TNRC6C: variants seen among roughly 807,000 people sequenced by gnomAD.
TNRC6C encodes the protein trinucleotide repeat containing adaptor 6C.
In TNRC6C, 20 loss-of-function variants were observed where a neutral mutation model predicts 153.7. The ratio of observed to expected loss-of-function variants is 0.13; its 90% CI spans 0.09 to 0.19. TNRC6C has a LOEUF of 0.19. Ranked by LOEUF, TNRC6C falls within the 10% of genes least tolerant of loss-of-function variation. The pLI, the probability that TNRC6C is intolerant of heterozygous loss-of-function variation, is 1.00. For synonymous variants in TNRC6C, 811 were observed against 841.4 expected, an observed-to-expected ratio of 0.96 and a Z score of 0.63; for missense variants, 1,987 against 2,172.0, an observed-to-expected ratio of 0.91 and a Z score of 1.69.
rs570253353 is a variant in TNRC6C at position 78,053,169 on chromosome 17, G to C, written c.2395+1712G>C. Among the ~76,000 whole-genome samples, 4 of 152,292 alleles carry C rather than the reference G, an allele frequency of 2.6e-5. No homozygotes were observed. The South Asian group carries it at 8.3e-4, about 32-fold the overall frequency. ...TGAGCATCATCAAGCTTGCGCTGCT[G>C]TTCTTACGCTGGGCCTGTTTACGTT... On this transcript the variant is annotated intron_variant, in intron 3 of 19. Coordinates refer to ENST00000301624, the Ensembl canonical transcript of TNRC6C.
intron 1 of TNRC6C, among the ~76,000 whole-genome samples, chr17:78,026,940 G>A (rs1001502727): frequency 6.6e-6 from 1 of 152,162 alleles, no homozygotes; most frequent in East Asian, 1.9e-4. Flanking sequence ...TGATTGATTA[G>A]ATGTAGGAGA....
intron 2 of TNRC6C, among the ~76,000 whole-genome samples, chr17:78,034,157 G>A (rs887269280): frequency 3.3e-5 from 5 of 152,156 alleles, no homozygotes; most frequent in Non-Finnish European, 7.3e-5. Flanking sequence ...AGGTTCAAGT[G>A]ATTCTCCTGC....
chr17:77,971,508 G>A (rs2070939632), intron 1 of TNRC6C, among the ~76,000 whole-genome samples: 1 of 152,098 alleles, frequency 6.6e-6, no homozygotes, highest in African/African-American at 2.4e-5. Context: ...TCCACATCTT[G>A]ATGGCTTTTT....
intron 4 of TNRC6C, chr17:78,066,744 T>A (rs1567948403): frequency 6.6e-6 from 1 of 152,240 alleles, no homozygotes; most frequent in Non-Finnish European, 1.5e-5. Context: ...TGTAGCTCCA[T>A]CTGCCTAAGG....
intron 2 of TNRC6C, among the ~76,000 whole-genome samples, chr17:78,044,898 C>T (rs1271728364): frequency 6.6e-6 from 1 of 152,152 alleles, no homozygotes; most frequent in Non-Finnish European, 1.5e-5. Flanking sequence ...ACAAAAACGT[C>T]CCAAATTAAA....
At chr17:78,105,113 A>AT (rs57885030) in exon 20 of TNRC6C, 32,411 of 294,360 alleles carry the variant, frequency 0.11, 627 homozygotes, top group East Asian at 0.18. Flanking sequence ...TGTCATTTTG[A>AT]TTTTTTTTTT....
chr17:78,014,656 TGGTACCTTTTAGAGA>T (rs2071695267), intron 1 of TNRC6C, among the ~76,000 whole-genome samples: 1 of 150,264 alleles, frequency 6.7e-6, no homozygotes, highest in African/African-American at 2.5e-5. Flanking sequence ...GAGTGGCATT[TGGTACCTTTTAGAGA>T]GGTAACTGTA....
At chr17:77,974,236 T>C (rs1330771722) in intron 1 of TNRC6C, among the ~76,000 whole-genome samples, 1 of 152,082 alleles carries the variant, frequency 6.6e-6, no homozygotes, top group Non-Finnish European at 1.5e-5. Context: ...AATTTTAAAA[T>C]GGGCGAAGGA....
chr17:78,053,498 G>A (rs541734153), intron 3 of TNRC6C, among the ~76,000 whole-genome samples: 1 of 151,988 alleles, frequency 6.6e-6, no homozygotes, highest in Non-Finnish European at 1.5e-5. Context: ...GCATGGTGGC[G>A]CATGTCTCTA....
chr17:78,094,355 A>G (rs1266711274), intron 16 of TNRC6C, among the ~76,000 whole-genome samples: 2 of 151,898 alleles, frequency 1.3e-5, no homozygotes, highest in Non-Finnish European at 2.9e-5. Context: ...TAATAAGGCC[A>G]CCTAGATAGT....
Position 77,990,247 on chromosome 17 carries a change from C to T in TNRC6C, c.-37-13923C>T, listed in dbSNP as rs376904323. Among the ~76,000 whole-genome samples the T allele has an allele frequency of 1.8e-4, 27 of 152,340 alleles. No individual in the cohort carries two copies. In the South Asian group the frequency reaches 5.0e-3, roughly 28 times the overall value. On this transcript the variant is annotated intron_variant, in intron 1 of 22. Coordinates refer to the TNRC6C transcript ENST00000636222. ...CTCTTATATTGACTGCAGTAGCCTA[C>T]GCATTGGTTTCCACCAGTCCACTCT...
chr17:77,962,737 G>T (rs562881842), intron 1 of TNRC6C, among the ~76,000 whole-genome samples: 4 of 152,170 alleles, frequency 2.6e-5, no homozygotes, highest in African/African-American at 9.7e-5. Context: ...TAAGACATGG[G>T]TTTTTACCTT....
At chr17:78,070,322 C>T (rs1228276766) in intron 5 of TNRC6C, among the ~76,000 whole-genome samples, 5 of 152,292 alleles carry the variant, frequency 3.3e-5, no homozygotes, top group Non-Finnish European at 7.3e-5. Context: ...GTTTATAGAG[C>T]TCCATATGCT....
intron 1 of TNRC6C, among the ~76,000 whole-genome samples, chr17:78,023,962 T>G (rs548898209): frequency 6.6e-6 from 1 of 151,960 alleles, no homozygotes; most frequent in South Asian, 2.1e-4. Context: ...ATACAAAAAT[T>G]AGCCAGGCAT....
chr17:78,021,471 T>A (rs926555295), intron 1 of TNRC6C, among the ~76,000 whole-genome samples: 1 of 152,274 alleles, frequency 6.6e-6, no homozygotes, highest in African/African-American at 2.4e-5. Flanking sequence ...ATACTTAATA[T>A]GTTCCTGTTT....
Position 77,992,148 on chromosome 17 carries a change from G to A in TNRC6C, c.-37-12022G>A, listed in dbSNP as rs536611405. On this transcript the variant is annotated intron_variant, in intron 1 of 22. Coordinates refer to the TNRC6C transcript ENST00000636222. The stretch of plus-strand genomic sequence containing the variant: ...CACTGTCTGCTGCCCTAGTATCTTT[G>A]CAGTTGGAACTCGGTATTTATGGAG... Among the ~76,000 whole-genome samples the A allele has an allele frequency of 2.1e-3, 315 of 152,256 alleles. 4 individuals carry two copies. Among genetic ancestry groups the A allele is most frequent in the African/African-American group, 6.9e-3 (288 of 41,540 alleles).
rs1324437701 is a variant in TNRC6C at position 78,088,885 on chromosome 17, G to A, written c.3802+1792G>A. Among the ~76,000 whole-genome samples, 4 of 150,200 alleles carry A rather than the reference G, an allele frequency of 2.7e-5. No individual in the cohort carries two copies. The East Asian group carries it at 5.9e-4, about 22-fold the overall frequency. Reference sequence around the variant, plus strand: ...TTCATCCCACCTATTATCCTAAAATGCATTAGCTTCAGCTTTCTATTATTC... The same window carrying A: ...TTCATCCCACCTATTATCCTAAAATACATTAGCTTCAGCTTTCTATTATTC... On this transcript the variant is annotated intron_variant, in intron 13 of 19. Coordinates refer to ENST00000301624, the Ensembl canonical transcript of TNRC6C.
upstream of TNRC6C, among the ~76,000 whole-genome samples, chr17:78,004,847 A>AT (rs1214142041): frequency 2.0e-5 from 3 of 152,196 alleles, no homozygotes; most frequent in South Asian, 2.1e-4. Flanking sequence ...TCCAGATAGA[A>AT]TTTTTTGCCT....
intron 1 of TNRC6C, among the ~76,000 whole-genome samples, chr17:77,994,835 C>A (rs183598950): frequency 6.6e-6 from 1 of 151,872 alleles, no homozygotes; most frequent in African/African-American, 2.4e-5. Context: ...TATTTCAGGT[C>A]TTTGTGCTAT....
Sources: gnomAD v4.1 joint callset for allele counts (sites outside exome capture counted in the v4.1 genomes callset) on GRCh38, gnomAD v4.1.1 for gene constraint, MANE v1.5 for transcripts, NCBI Gene and HGNC (gene_info 2026-07-23, HGNC 2026-07-21) for gene names.